Variants in CACNG3 observed in about 807,000 individuals in gnomAD.
CACNG3 encodes calcium voltage-gated channel auxiliary subunit gamma 3.
A neutral mutation model predicts 28.5 loss-of-function variants in CACNG3; 3 were observed. The observed-to-expected ratio is 0.11, with a 90% confidence interval of 0.05 to 0.27. The LOEUF is 0.27. CACNG3 is among the 10% of genes least tolerant of loss of function. CACNG3 has a pLI of 1.00. For synonymous variants in CACNG3, 174 were observed against 162.2 expected (o/e 1.07, Z -0.55); for missense variants, 236 against 414.4 (o/e 0.57, Z 3.74).
chr16:24,315,714 G>A (rs1899343053), intron 1 of CACNG3, among the ~76,000 whole-genome samples: 1 of 151,430 alleles, frequency 6.6e-6, no homozygotes, highest in Non-Finnish European at 1.5e-5. Context: ...GGGATGCAGT[G>A]GCATGATCTT....
intron 1 of CACNG3, among the ~76,000 whole-genome samples, chr16:24,331,742 C>T (rs185860865): frequency 6.6e-6 from 1 of 152,202 alleles, no homozygotes; most frequent in Non-Finnish European, 1.5e-5. Flanking sequence ...TCATTCTGCT[C>T]CAGTTGCCCT....
intron 2 of CACNG3, among the ~76,000 whole-genome samples, chr16:24,351,556 G>A (rs1291954718): frequency 7.2e-6 from 1 of 138,118 alleles, no homozygotes; most frequent in Admixed American, 8.0e-5. Flanking sequence ...GGGTGACAGA[G>A]CGAGACTCCA....
At chr16:24,340,715 C>T (rs531295854) in intron 1 of CACNG3, among the ~76,000 whole-genome samples, 2 of 152,314 alleles carry the variant, frequency 1.3e-5, no homozygotes, top group East Asian at 1.9e-4. Flanking sequence ...TCTACAACTG[C>T]ACTTCAACAC....
intron 1 of CACNG3, 61 bp from the exon 2 acceptor site, chr16:24,346,673 A>G (rs1899872058): frequency 2.8e-6 from 3 of 1,087,650 alleles, no homozygotes; most frequent in Admixed American, 4.3e-5. Flanking sequence ...GTGAGGACCC[A>G]GGCTGGCCCC....
intron 1 of CACNG3, among the ~76,000 whole-genome samples, chr16:24,269,766 A>AAG (rs1555458362): frequency 1.3e-5 from 2 of 149,114 alleles, no homozygotes; most frequent in African/African-American, 2.5e-5. Context: ...AAAAAAAAAA[A>AAG]AGAGAAAGAA....
chr16:24,257,584 C>T (rs768320660), intron 1 of CACNG3, among the ~76,000 whole-genome samples: 26 of 152,074 alleles, frequency 1.7e-4, no homozygotes, highest in African/African-American at 2.4e-4. Flanking sequence ...CCACCCACAC[C>T]CTATGCACAC....
intron 1 of CACNG3, among the ~76,000 whole-genome samples, chr16:24,259,347 C>T (rs748780202): frequency 9.9e-5 from 15 of 152,152 alleles, no homozygotes; most frequent in Non-Finnish European, 1.6e-4. Context: ...TTGCAGAAGC[C>T]TCTGATTTCT....
chr16:24,291,068 C>T (rs1163742376), intron 1 of CACNG3, among the ~76,000 whole-genome samples: 1 of 152,330 alleles, frequency 6.6e-6, no homozygotes, highest in South Asian at 2.1e-4. Context: ...TGTCACTTCA[C>T]TCTCCTGGGA....
chr16:24,309,447 G>C (rs1429564654), intron 1 of CACNG3, among the ~76,000 whole-genome samples: 1 of 152,208 alleles, frequency 6.6e-6, no homozygotes, highest in Non-Finnish European at 1.5e-5. Context: ...TCCAGCATGA[G>C]AGAGCCACCA....
intron 1 of CACNG3, among the ~76,000 whole-genome samples, chr16:24,305,800 C>T (rs1481140925): frequency 6.6e-6 from 1 of 152,048 alleles, no homozygotes; most frequent in Non-Finnish European, 1.5e-5. Flanking sequence ...TATCCCAGAA[C>T]TTAAAGTAAA....
At chr16:24,313,089 A>AAGGAAGGAAGGAAGGG in intron 1 of CACNG3, among the ~76,000 whole-genome samples, 1 of 151,412 alleles carries the variant, frequency 6.6e-6, no homozygotes, top group Non-Finnish European at 1.5e-5. Context: ...GGAAGGAAGG[A>AAGGAAGGAAGGAAGGG]AGGAAGGAAG....
intron 1 of CACNG3, among the ~76,000 whole-genome samples, chr16:24,269,558 C>G (rs996854167): frequency 6.6e-6 from 1 of 151,746 alleles, no homozygotes; most frequent in Non-Finnish European, 1.5e-5. Flanking sequence ...ACCAGCCTGG[C>G]CAACATGGTG....
At chr16:24,286,649 A>T (rs1596628238) in intron 1 of CACNG3, among the ~76,000 whole-genome samples, 1 of 152,178 alleles carries the variant, frequency 6.6e-6, no homozygotes. Context: ...GTAATACACT[A>T]GTACCTTAGG....
chr16:24,257,447 C>T (rs1898480997), intron 1 of CACNG3, among the ~76,000 whole-genome samples: 2 of 142,650 alleles, frequency 1.4e-5, no homozygotes, highest in South Asian at 2.3e-4. Flanking sequence ...CGGTCTGGCA[C>T]ATTCTGAGCT....
At chr16:24,275,561 A>G (rs961336879) in intron 1 of CACNG3, among the ~76,000 whole-genome samples, 3 of 152,206 alleles carry the variant, frequency 2.0e-5, no homozygotes, top group Admixed American at 6.5e-5. Flanking sequence ...TTTTCCATGA[A>G]ACACCATATT....
At chr16:24,262,272 G>T (rs1158335592) in intron 1 of CACNG3, among the ~76,000 whole-genome samples, 3 of 152,062 alleles carry the variant, frequency 2.0e-5, no homozygotes, top group Non-Finnish European at 2.9e-5. Flanking sequence ...CTTCCTCCTT[G>T]CCACTAAAGC....
At chr16:24,280,831 A>AAAAAAAAG (rs1898816612) in intron 1 of CACNG3, among the ~76,000 whole-genome samples, 1 of 150,806 alleles carries the variant, frequency 6.6e-6, no homozygotes, top group South Asian at 2.1e-4. Flanking sequence ...CAAAAAAAAA[A>AAAAAAAAG]AAAAAAAAAA....
chr16:24,315,670 C>A (rs1250832068), intron 1 of CACNG3, among the ~76,000 whole-genome samples: 1 of 141,590 alleles, frequency 7.1e-6, no homozygotes, highest in East Asian at 2.1e-4. Context: ...CTCTTTCTTT[C>A]TTCTTTTAAC....
rs1475449598 is a variant in CACNG3, at chr16:24,317,628, CAGACAGAA to C, written c.212-29102_212-29095del. ...AAAGAAAGAAAGAAAGAAAGAAAGA[CAGACAGAA>C]AGAAAGAAAAGAAAAGAAAGAAAGA... On this transcript the variant is annotated intron_variant, in intron 1 of 3. Transcript: ENST00000005284. Among the ~76,000 whole-genome samples the C allele has an allele frequency of 2.0e-3, 78 of 39,016 alleles. 2 individuals carry two copies. Among genetic ancestry groups the C allele is most frequent in the South Asian group, 0.015 (19 of 1,230 alleles). The allele number at this position is 39,016 out of a possible 152,430, so 25.6% of individuals were successfully genotyped here.
Sources: allele counts gnomAD v4.1 joint callset (sites outside exome capture counted in the v4.1 genomes callset), GRCh38; gene constraint gnomAD v4.1.1; transcripts MANE v1.5; gene names NCBI Gene and HGNC (gene_info 2026-07-23, HGNC 2026-07-21).